The following SDK1 variants were observed in gnomAD, a reference collection of about 807,000 sequenced individuals.
The protein encoded by SDK1 is sidekick cell adhesion molecule 1.
In SDK1, 157 loss-of-function variants were observed where a neutral mutation model predicts 245.5. The observed-to-expected ratio is 0.64, with a 90% CI of 0.56 to 0.73. The LOEUF (loss-of-function observed/expected upper bound fraction) is 0.73. Among genes scored for constraint, SDK1 ranks in the 30% least tolerant of loss-of-function variants. The probability of loss-of-function intolerance (pLI) is 0.00; values close to 1 mark genes in which losing one functional copy is unlikely to be tolerated. For synonymous variants in SDK1, 1,647 were observed against 1,278.5 expected (o/e 1.29, Z -6.15); for missense variants, 3,583 against 3,002.3 (o/e 1.19, Z -4.52).
chr7:3,472,114 C>T (rs1781203234), intron 1 of SDK1, among the ~76,000 whole-genome samples: 1 of 152,092 alleles, frequency 6.6e-6, no homozygotes, highest in African/African-American at 2.4e-5. Context: ...TGTCTCCTTC[C>T]CACTGTGTTG....
chr7:3,892,057 G>T (rs1202526540), intron 5 of SDK1, among the ~76,000 whole-genome samples: 1 of 151,116 alleles, frequency 6.6e-6, no homozygotes, highest in African/African-American at 2.4e-5. Context: ...TTCTTTTTTT[G>T]CCGGGTGTTT....
intron 5 of SDK1, among the ~76,000 whole-genome samples, chr7:3,872,196 C>T (rs1780973481): frequency 6.6e-6 from 1 of 152,112 alleles, no homozygotes; most frequent in African/African-American, 2.4e-5. Context: ...ATTCATTTTA[C>T]TAACATTTCG....
chr7:3,996,267 A>T (rs982602418), intron 14 of SDK1, among the ~76,000 whole-genome samples: 2 of 152,160 alleles, frequency 1.3e-5, no homozygotes, highest in Non-Finnish European at 2.9e-5. Context: ...TTTTTCTGCC[A>T]GTTTTATAGT....
intron 1 of SDK1, among the ~76,000 whole-genome samples, chr7:3,373,374 C>G (rs1165094360): frequency 6.6e-6 from 1 of 152,196 alleles, no homozygotes; most frequent in Non-Finnish European, 1.5e-5. Context: ...CAGGTTCTCT[C>G]TGTAATTCAA....
chr7:4,264,272 C>T (rs566125286), intron 44 of SDK1, among the ~76,000 whole-genome samples: 1 of 99,498 alleles, frequency 1.0e-5, no homozygotes, highest in Non-Finnish European at 2.0e-5. Context: ...GTGGGGAGGC[C>T]GCGTAGACCT....
intron 1 of SDK1, among the ~76,000 whole-genome samples, chr7:3,373,529 AGGTGTGTTGCAAATTAAT>A (rs1323626323): frequency 4.6e-5 from 7 of 152,198 alleles, no homozygotes; most frequent in Middle Eastern, 3.2e-3. Flanking sequence ...ACATAGTCAA[AGGTGTGTTGCAAATTAAT>A]AGTCAACATC....
At chr7:3,931,406 A>G (rs1422513265) in intron 5 of SDK1, among the ~76,000 whole-genome samples, 1 of 152,162 alleles carries the variant, frequency 6.6e-6, no homozygotes, top group East Asian at 1.9e-4. Context: ...TATTTGTGTC[A>G]TCTTTGAGAA....
At chr7:3,753,351 T>C (rs1182825721) in intron 4 of SDK1, among the ~76,000 whole-genome samples, 2 of 152,152 alleles carry the variant, frequency 1.3e-5, no homozygotes. Context: ...AACATCACCA[T>C]CAGTATTAGA....
At chr7:3,945,958 A>G (rs1180280616) in intron 5 of SDK1, among the ~76,000 whole-genome samples, 1 of 128,892 alleles carries the variant, frequency 7.8e-6, no homozygotes, top group Non-Finnish European at 1.7e-5. Flanking sequence ...TGCTCTTTCC[A>G]AAATTAAAAA....
At chr7:3,718,110 C>T (rs1785255322) in intron 4 of SDK1, among the ~76,000 whole-genome samples, 1 of 152,140 alleles carries the variant, frequency 6.6e-6, no homozygotes. Flanking sequence ...AGGCTGGCTT[C>T]ATATTTGAAA....
intron 5 of SDK1, among the ~76,000 whole-genome samples, chr7:3,859,746 G>A (rs1780641376): frequency 6.6e-6 from 1 of 152,172 alleles, no homozygotes; most frequent in African/African-American, 2.4e-5. Flanking sequence ...TCAACACTGA[G>A]TTACCACACT....
At chr7:3,871,446 G>T (rs1472544257) in intron 5 of SDK1, among the ~76,000 whole-genome samples, 1 of 152,202 alleles carries the variant, frequency 6.6e-6, no homozygotes. Context: ...TACAGGGGAT[G>T]TGTCTTAGTC....
chr7:3,794,771 A>G (rs1778921326), intron 4 of SDK1, among the ~76,000 whole-genome samples: 1 of 152,078 alleles, frequency 6.6e-6, no homozygotes, highest in Admixed American at 6.5e-5. Flanking sequence ...GAAACAGAAA[A>G]TGGATCAACA....
intron 1 of SDK1, among the ~76,000 whole-genome samples, chr7:3,583,140 G>C (rs1188567583): frequency 2.0e-5 from 3 of 152,314 alleles, no homozygotes; most frequent in East Asian, 3.9e-4. Flanking sequence ...CAGGCCTCCA[G>C]CTGGTTCCTG....
At chr7:4,019,334 A>G (rs117923222) in intron 17 of SDK1, among the ~76,000 whole-genome samples, 3 of 152,168 alleles carry the variant, frequency 2.0e-5, no homozygotes, top group Admixed American at 6.5e-5. Context: ...CCAAGACAAG[A>G]CTGCTGTTCT....
rs188129597 is a variant in SDK1 at position 3,467,665 on chromosome 7, A to G, written c.299-151415A>G. On this transcript the variant is annotated intron_variant, in intron 1 of 44. Transcript: ENST00000404826. ...TTTCTTAAGAACAAAGTTTGTTTAA[A>G]CCTTACATTCAATTTCTTCGTTTGT... Among the ~76,000 whole-genome samples the G allele has an allele frequency of 1.3e-3, 199 of 152,216 alleles. 1 individual carries two copies. Among genetic ancestry groups the G allele is most frequent in the Non-Finnish European group, 1.5e-3 (104 of 67,972 alleles).
Position 4,017,602 on chromosome 7 carries a change from T to C in SDK1, c.2602+250T>C, listed in dbSNP as rs574129812. Among the ~76,000 whole-genome samples the C allele has an allele frequency of 2.6e-5, 4 of 152,340 alleles. No homozygotes were observed. The South Asian group carries it at 8.3e-4, about 32-fold the overall frequency. On this transcript the variant is annotated intron_variant, in intron 17 of 44. Transcript: ENST00000404826. ...CTAAGGAAGTTTCTGTACACGCCTT[T>C]TGACGGGTGCATCTAGTCTTGAAAA...
intron 1 of SDK1, among the ~76,000 whole-genome samples, chr7:3,306,656 T>C (rs1264118245): frequency 6.6e-6 from 1 of 152,188 alleles, no homozygotes; most frequent in African/African-American, 2.4e-5. Flanking sequence ...GCAAGTTAAG[T>C]GGGTAATTAA....
chr7:3,319,935 G>A (rs1232555535), intron 1 of SDK1, among the ~76,000 whole-genome samples: 1 of 124,004 alleles, frequency 8.1e-6, no homozygotes, highest in Non-Finnish European at 1.7e-5. Flanking sequence ...GAAAGGGAGG[G>A]CAGCTTGATC....
Sources: gnomAD v4.1 joint callset for allele counts (sites outside exome capture counted in the v4.1 genomes callset) on GRCh38, gnomAD v4.1.1 for gene constraint, MANE v1.5 for transcripts, NCBI Gene and HGNC (gene_info 2026-07-23, HGNC 2026-07-21) for gene names.